Variants in RAD9B observed in about 807,000 individuals in gnomAD.
RAD9B encodes the protein cell cycle checkpoint control protein RAD9B.
Under a neutral mutation model 48.3 loss-of-function variants are expected in RAD9B, and 41 were observed. The observed-to-expected ratio is 0.85, with a 90% confidence interval of 0.66 to 1.10. The LOEUF is 1.10. RAD9B is among the 50% of genes least tolerant of loss of function. The pLI is 0.00. For missense variants in RAD9B, 444 were observed against 485.1 expected (o/e 0.92, Z 0.80); for synonymous variants, 160 against 157.9 (o/e 1.01, Z -0.10).
In RAD9B at chr12:110,512,211, C is replaced by T. The variant is rs1013269516; in HGVS notation, c.389-568C>T. 2.1e-5 allele frequency among the ~76,000 whole-genome samples: 3 copies of T among 145,328 alleles called. No homozygotes were observed. In the East Asian group the frequency reaches 6.2e-4, roughly 30 times the overall value. On this transcript the variant is annotated intron_variant, in intron 4 of 10. Transcript: ENST00000409300. Reference sequence around the variant, plus strand: ...ACCCAGGCTGGAGTGTACAGTGGCACAATCTTGGCTCATGGCAACCTCTGC... The same window carrying T: ...ACCCAGGCTGGAGTGTACAGTGGCATAATCTTGGCTCATGGCAACCTCTGC...
intron 4 of RAD9B, among the ~76,000 whole-genome samples, chr12:110,510,717 T>C (rs1050617415): frequency 1.3e-5 from 2 of 152,168 alleles, no homozygotes; most frequent in Non-Finnish European, 2.9e-5. Context: ...TTCATACTCA[T>C]TATTGCTACC....
rs34513555 is a variant in RAD9B, at chr12:110,522,391, G to A, written c.1105G>A (p.Gly369Arg). ...SSVSNTEEVPGSLCLRKFSCM... is the reference protein window; with the variant it reads ...SSVSNTEEVPRSLCLRKFSCM... ...TGTCAGCAACACAGAGGAAGTGCCA[G>A]GGTCTCTGTGTCTCAGAAAGGTAAA... Residue 369 changes from glycine (G) to arginine (R), a missense_variant, in exon 10 of 11, where the codon GGG becomes AGG. Gly to Arg is a moderately radical substitution (Grantham distance 125, BLOSUM62 -2). Coordinates refer to ENST00000409300, the MANE Select transcript of RAD9B (RefSeq NM_001286535.2). The A allele has an allele frequency of 0.04, 64,734 of 1,608,974 alleles. 1,851 individuals are homozygous for A. The highest frequency in any genetic ancestry group is 0.14 in the African/African-American group (10,701 of 74,920).
At chr12:110,507,028 C>T (rs1053075710) in intron 4 of RAD9B, among the ~76,000 whole-genome samples, 5 of 151,894 alleles carry the variant, frequency 3.3e-5, no homozygotes, top group East Asian at 1.9e-4. Context: ...TTAGTAGAGA[C>T]GGGGTTTCAC....
At chr12:110,516,582 C>T (rs908061828) in intron 6 of RAD9B, among the ~76,000 whole-genome samples, 6 of 152,032 alleles carry the variant, frequency 3.9e-5, no homozygotes, top group Non-Finnish European at 7.4e-5. Flanking sequence ...GAGGCTGAGG[C>T]AGGCGGATCA....
At position 110,530,562 on chromosome 12, in the gene RAD9B, A is replaced by G. The variant is rs150247418; in HGVS notation, c.1163A>G (p.Gln388Arg). Residue 388 changes from glutamine to arginine, a missense_variant, in exon 11 of 11, where the codon CAG (glutamine) becomes CGG (arginine). Coordinates refer to ENST00000409300, the MANE Select transcript of RAD9B (RefSeq NM_001286535.2). ...TTCTTTGGAGCAGTTTCTTCTGACC[A>G]GCAAGAACACTTCAACCACCCTTTC... ...CMFFGAVSSDQQEHFNHPFDS... is the reference protein window; with the variant it reads ...CMFFGAVSSDRQEHFNHPFDS... 8.2e-5 allele frequency: 132 copies of G among 1,614,038 alleles called. No homozygotes were observed. The South Asian group carries it at 1.0e-3, about 12-fold the overall frequency.
rs1188868602 is a variant in RAD9B at position 110,531,760 on chromosome 12, C to A, written c.*1107C>A. On this transcript the variant is annotated 3_prime_UTR_variant, in exon 11 of 11. Coordinates refer to ENST00000409300, the MANE Select transcript of RAD9B (RefSeq NM_001286535.2). ...TGCACAAATGGACTAAAAAATCTGGCACAAAACATTGTTATGTAATGTCTT... is the reference window on the plus strand; with the variant it reads ...TGCACAAATGGACTAAAAAATCTGGAACAAAACATTGTTATGTAATGTCTT... 3.7e-6 allele frequency: 3 copies of A among 818,024 alleles called. No homozygotes were observed. The highest frequency in any genetic ancestry group is 3.5e-5 in the African/African-American group (2 of 57,634). 50.7% of individuals were successfully genotyped at this position (818,024 alleles called of 1,614,324 possible).
Position 110,503,891 on chromosome 12 carries a change from T to C in RAD9B, c.117+15T>C. Reference sequence around the variant, plus strand: ...CTAAAAAAGGTGTAAGTAAGAAAGTTAACAGATCACGTATCAAGGCAAGAG... The same window carrying C: ...CTAAAAAAGGTGTAAGTAAGAAAGTCAACAGATCACGTATCAAGGCAAGAG... On this transcript the variant is annotated intron_variant, in intron 2 of 10. Transcript: ENST00000409300. 3 of 1,505,954 alleles carry C rather than the reference T, an allele frequency of 2.0e-6. No individual in the cohort carries two copies. The African/African-American group carries it at 4.2e-5, about 21-fold the overall frequency. The allele number at this position is 1,505,954 out of a possible 1,614,324, so 93.3% of individuals were successfully genotyped here.
chr12:110,518,743 A>C lies in RAD9B; in HGVS notation c.663A>C (p.Gly221=), dbSNP rs2135705750. 6.2e-7 allele frequency: 1 copy of C among 1,611,134 alleles called. No homozygotes were observed. The highest frequency in any genetic ancestry group is 1.1e-5 in the South Asian group (1 of 90,776). ...ATGAGTTTGACTTCTTTCAAATTGG[A>C]ATGGACACTGAGATAACATTTTGTT... is the stretch of plus-strand genomic sequence containing the variant. ...GSDEFDFFQI[G]MDTEITFCFK... Residue 221 remains glycine (G), a synonymous_variant, in exon 7 of 11, where the codon GGA becomes GGC. Transcript: ENST00000409300.
At chr12:110,520,068 T>C (rs2063727973) in intron 9 of RAD9B, among the ~76,000 whole-genome samples, 152 bp downstream of exon 9, 1 of 152,230 alleles carries the variant, frequency 6.6e-6, no homozygotes, top group Non-Finnish European at 1.5e-5. Context: ...TAGTGAAACT[T>C]ACCTGTAGCA....
chr12:110,514,061 C>T (rs1397402931), intron 5 of RAD9B, among the ~76,000 whole-genome samples: 9 of 151,626 alleles, frequency 5.9e-5, no homozygotes, highest in Non-Finnish European at 1.2e-4. Flanking sequence ...TCCTTCCTTG[C>T]TTCCTTCCTT....
At chr12:110,513,756 C>T (rs1455976259) in intron 5 of RAD9B, among the ~76,000 whole-genome samples, 1 of 148,878 alleles carries the variant, frequency 6.7e-6, no homozygotes, top group East Asian at 1.9e-4. Context: ...CAGAGTCTCC[C>T]TCTGTTGCTC....
chr12:110,512,950 T>A, intron 5 of RAD9B, 72 bp downstream of exon 5: 1 of 740,658 alleles, frequency 1.4e-6, no homozygotes, highest in Non-Finnish European at 2.3e-6. Flanking sequence ...ATCAATGCCC[T>A]AGAGCTTTTC....
chr12:110,508,917 C>G (rs1439607510), intron 4 of RAD9B, among the ~76,000 whole-genome samples: 1 of 152,168 alleles, frequency 6.6e-6, no homozygotes, highest in Admixed American at 6.5e-5. Context: ...ACCTCAGCCT[C>G]CAGAGTAGCT....
chr12:110,528,346 C>G (rs1468108998), intron 10 of RAD9B, among the ~76,000 whole-genome samples: 3 of 152,042 alleles, frequency 2.0e-5, no homozygotes, highest in African/African-American at 7.3e-5. Flanking sequence ...CCAGGGAGGT[C>G]TTAGGTTTGG....
intron 9 of RAD9B, 29 bp from the exon 10 acceptor site, chr12:110,522,148 C>G (rs1277552703): frequency 7.3e-6 from 10 of 1,374,576 alleles, no homozygotes; most frequent in African/African-American, 1.5e-5. Context: ...ATAAACAGTT[C>G]ATTCATTTAA....
chr12:110,507,571 T>C (rs148778810), intron 4 of RAD9B, among the ~76,000 whole-genome samples: 2,280 of 142,342 alleles, frequency 0.016, 46 homozygotes, highest in Admixed American at 0.044. Flanking sequence ...ATATGTATTA[T>C]ATATGTATAA....
intron 10 of RAD9B, among the ~76,000 whole-genome samples, chr12:110,525,762 C>G (rs2063917110): frequency 6.6e-6 from 1 of 152,292 alleles, no homozygotes; most frequent in East Asian, 1.9e-4. Flanking sequence ...ATGATCTTGG[C>G]TCACTGCAAC....
At chr12:110,502,655 G>A (rs1593018644) in intron 1 of RAD9B, 3 of 452,770 alleles carry the variant, frequency 6.6e-6, no homozygotes, top group East Asian at 7.7e-5. Flanking sequence ...GCTGAGGACT[G>A]CATGGGGAAG....
intron 2 of RAD9B, among the ~76,000 whole-genome samples, chr12:110,504,688 A>G (rs2063208288): frequency 6.6e-6 from 1 of 151,910 alleles, no homozygotes; most frequent in Non-Finnish European, 1.5e-5. Context: ...GCCTTTTGCC[A>G]TTTCACACAT....
Sources: gnomAD v4.1 joint callset for allele counts (sites outside exome capture counted in the v4.1 genomes callset) on GRCh38, gnomAD v4.1.1 for gene constraint, MANE v1.5 for transcripts, NCBI Gene and HGNC (gene_info 2026-07-23, HGNC 2026-07-21) for gene names.